Variants in DPP10 observed in about 807,000 individuals in gnomAD.
DPP10 encodes dipeptidyl peptidase like 10.
Under a neutral mutation model 120.9 loss-of-function variants are expected in DPP10, and 33 were observed. The observed-to-expected ratio is 0.27, with a 90% confidence interval of 0.21 to 0.37. The LOEUF (loss-of-function observed/expected upper bound fraction) is 0.37, where lower values mean the gene tolerates loss of function less well. Among genes scored for constraint, DPP10 ranks in the 10% least tolerant of loss-of-function variants. The pLI is 1.00. For synonymous variants in DPP10, 337 were observed against 326.1 expected (o/e 1.03, Z -0.36); for missense variants, 816 against 942.8 (o/e 0.87, Z 1.76).
At chr2:115,111,092 G>A (rs764999427) in intron 1 of DPP10, among the ~76,000 whole-genome samples, 1 of 152,122 alleles carries the variant, frequency 6.6e-6, no homozygotes, top group African/African-American at 2.4e-5. Context: ...TGGCACTAAA[G>A]TTCTAATGCT....
chr2:114,544,033 TA>T (rs879493611), intron 1 of DPP10, among the ~76,000 whole-genome samples: 302 of 143,646 alleles, frequency 2.1e-3, no homozygotes, highest in Admixed American at 2.5e-3. Flanking sequence ...ATATAGCAGT[TA>T]AAAAAAAAAA....
At chr2:115,257,423 C>A (rs756252560) in intron 1 of DPP10, among the ~76,000 whole-genome samples, 16 of 152,254 alleles carry the variant, frequency 1.1e-4, no homozygotes, top group Middle Eastern at 3.4e-3. Context: ...CCTCAGGGAG[C>A]TCACAATCAT....
intron 1 of DPP10, among the ~76,000 whole-genome samples, chr2:114,626,840 G>A (rs1432552701): frequency 1.3e-5 from 2 of 152,106 alleles, no homozygotes; most frequent in Non-Finnish European, 2.9e-5. Context: ...TTGGCATTAA[G>A]AGATCACTTA....
At chr2:115,156,366 A>G (rs573274478) in intron 1 of DPP10, among the ~76,000 whole-genome samples, 1 of 152,296 alleles carries the variant, frequency 6.6e-6, no homozygotes, top group African/African-American at 2.4e-5. Context: ...CGGATGCTCT[A>G]GGGCTATTGC....
chr2:114,861,831 C>A (rs1689830191), intron 1 of DPP10, among the ~76,000 whole-genome samples: 1 of 152,024 alleles, frequency 6.6e-6, no homozygotes. Flanking sequence ...TCCTTAATGG[C>A]CAACTTTCTG....
intron 1 of DPP10, among the ~76,000 whole-genome samples, chr2:115,095,873 T>A (rs1709699987): frequency 6.6e-6 from 1 of 152,106 alleles, no homozygotes; most frequent in Non-Finnish European, 1.5e-5. Context: ...TAGTATTAAG[T>A]GGTGTAATAG....
intron 1 of DPP10, among the ~76,000 whole-genome samples, chr2:114,781,104 A>T (rs1489676953): frequency 6.6e-6 from 1 of 152,146 alleles, no homozygotes; most frequent in African/African-American, 2.4e-5. Context: ...TAGCAAAAAT[A>T]GTTGGATAAG....
intron 1 of DPP10, among the ~76,000 whole-genome samples, chr2:115,260,910 GC>G (rs1196238624): frequency 2.6e-5 from 4 of 152,292 alleles, no homozygotes; most frequent in African/African-American, 9.6e-5. Context: ...GTTGGGGCGT[GC>G]TGTAGAATTA....
At chr2:115,684,319 A>G (rs1197766912) in intron 5 of DPP10, among the ~76,000 whole-genome samples, 4 of 151,804 alleles carry the variant, frequency 2.6e-5, no homozygotes, top group Admixed American at 6.6e-5. Context: ...GTTAGTTCGT[A>G]ACTGTGTGAA....
chr2:115,725,988 A>T (rs1207116072), intron 7 of DPP10, among the ~76,000 whole-genome samples: 2 of 152,156 alleles, frequency 1.3e-5, no homozygotes, highest in Non-Finnish European at 2.9e-5. Flanking sequence ...AGGGAATCTG[A>T]GAGGTAATTC....
chr2:115,535,209 T>A lies in DPP10; in HGVS notation c.441+9237T>A, dbSNP rs1354377142. Among the ~76,000 whole-genome samples the A allele has an allele frequency of 6.6e-5, 10 of 151,900 alleles. No homozygotes were observed. In the South Asian group the frequency reaches 1.2e-3, roughly 19 times the overall value. On this transcript the variant is annotated intron_variant, in intron 5 of 25. Coordinates refer to ENST00000410059, the MANE Select transcript of DPP10 (RefSeq NM_020868.6). ...GCCCATGCCTATGTCCTGAATGGTA[T>A]TGCCTAGGTTTTCTTCTAGGGTTTT...
intron 19 of DPP10, among the ~76,000 whole-genome samples, chr2:115,809,893 G>T (rs1686433047): frequency 6.6e-6 from 1 of 152,162 alleles, no homozygotes; most frequent in African/African-American, 2.4e-5. Flanking sequence ...ATGGGGTGCG[G>T]TGGCTCACGC....
At chr2:115,218,080 G>A (rs1484396444) in intron 1 of DPP10, among the ~76,000 whole-genome samples, 2 of 152,112 alleles carry the variant, frequency 1.3e-5, no homozygotes, top group Non-Finnish European at 2.9e-5. Flanking sequence ...AGAGTTCTTA[G>A]TTCCTTACTA....
chr2:115,497,861 G>C (rs1247739498), intron 3 of DPP10, among the ~76,000 whole-genome samples: 1 of 151,644 alleles, frequency 6.6e-6, no homozygotes. Flanking sequence ...GAGAGGAAAA[G>C]AATATAAATC....
intron 1 of DPP10, among the ~76,000 whole-genome samples, chr2:114,658,958 C>A (rs1391435147): frequency 2.0e-5 from 3 of 152,150 alleles, no homozygotes; most frequent in Non-Finnish European, 4.4e-5. Flanking sequence ...TTCTCCCATG[C>A]CGTTCTCGTG....
chr2:115,531,482 T>G (rs1377354176), intron 5 of DPP10, among the ~76,000 whole-genome samples: 1 of 152,100 alleles, frequency 6.6e-6, no homozygotes, highest in Non-Finnish European at 1.5e-5. Context: ...CTTTAGTTTT[T>G]CACAATTATT....
At chr2:115,151,597 T>C (rs13429271) in intron 1 of DPP10, among the ~76,000 whole-genome samples, 3 of 151,904 alleles carry the variant, frequency 2.0e-5, no homozygotes, top group Non-Finnish European at 4.4e-5. Flanking sequence ...TTAGTAGAGC[T>C]GGGGTTTCAC....
intron 3 of DPP10, among the ~76,000 whole-genome samples, chr2:115,391,793 T>C (rs1241893160): frequency 6.6e-6 from 1 of 152,134 alleles, no homozygotes; most frequent in Non-Finnish European, 1.5e-5. Context: ...GGGAGAAAAG[T>C]ACAAGATGAG....
chr2:114,972,996 C>A (rs1168825553), intron 1 of DPP10, among the ~76,000 whole-genome samples: 1 of 152,134 alleles, frequency 6.6e-6, no homozygotes, highest in African/African-American at 2.4e-5. Flanking sequence ...TTTTGCATTG[C>A]ATTTTGTAAT....
Sources: gnomAD v4.1 joint callset for allele counts (sites outside exome capture counted in the v4.1 genomes callset) on GRCh38, gnomAD v4.1.1 for gene constraint, MANE v1.5 for transcripts, NCBI Gene and HGNC (gene_info 2026-07-23, HGNC 2026-07-21) for gene names.